BLOC1S6: variants seen among roughly 807,000 people sequenced by gnomAD.
The protein encoded by BLOC1S6 is biogenesis of lysosome-related organelles complex 1 subunit 6.
BLOC1S6 carries 24 observed loss-of-function variants against 24.7 expected under a neutral mutation model. The observed-to-expected ratio is 0.97, with a 90% CI of 0.70 to 1.37. The LOEUF is 1.37. BLOC1S6 is among the 40% of genes most tolerant of loss of function. The pLI is 0.00. For missense variants in BLOC1S6, 175 were observed against 196.2 expected, an observed-to-expected ratio of 0.89 and a Z score of 0.64; for synonymous variants, 76 against 72.6, an observed-to-expected ratio of 1.05 and a Z score of -0.23.
Position 45,606,637 on chromosome 15 carries a change from A to G in BLOC1S6, c.*123A>G. On this transcript the variant is annotated 3_prime_UTR_variant, in exon 5 of 5. Transcript: ENST00000220531. The stretch of plus-strand genomic sequence containing the variant: ...CATATGTTGAAATCCTTATTCCGGT[A>G]TTACTGTGTCTCCATGCCTTTTTTC... 2 of 1,375,540 alleles carry G rather than the reference A, an allele frequency of 1.5e-6. No homozygotes were observed. The highest frequency in any genetic ancestry group is 1.7e-5 in the Admixed American group (1 of 58,784). The allele number at this position is 1,375,540 out of a possible 1,614,324, so 85.2% of individuals were successfully genotyped here. A position where few individuals can be genotyped will look rare whatever the true frequency, so the allele number is the denominator to read the frequency against.
intron 2 of BLOC1S6, among the ~76,000 whole-genome samples, chr15:45,602,589 A>C (rs1018136488): frequency 1.3e-5 from 2 of 152,198 alleles, no homozygotes; most frequent in Non-Finnish European, 2.9e-5. Context: ...CATATAGCTA[A>C]CTGGCTGTTG....
chr15:45,600,181 TG>T (rs1170883303), intron 2 of BLOC1S6, among the ~76,000 whole-genome samples: 1 of 69,520 alleles, frequency 1.4e-5, no homozygotes, highest in African/African-American at 5.9e-5. Flanking sequence ...GGGACTGTGG[TG>T]GGGTGGGGGG....
chr15:45,602,288 T>C (rs1460490633), intron 2 of BLOC1S6: 9 of 207,370 alleles, frequency 4.3e-5, no homozygotes, highest in African/African-American at 1.2e-4. Context: ...TTGTTATTTC[T>C]TTTTTTTTTT....
At chr15:45,603,354 T>G (rs537224146) in intron 3 of BLOC1S6, among the ~76,000 whole-genome samples, 167 bp downstream of exon 3, 1 of 152,328 alleles carries the variant, frequency 6.6e-6, no homozygotes, top group African/African-American at 2.4e-5. Flanking sequence ...GTTGAATTTA[T>G]AGTAGGAAAT....
At chr15:45,594,071 G>T (rs1893982661) in intron 2 of BLOC1S6, among the ~76,000 whole-genome samples, 1 of 152,044 alleles carries the variant, frequency 6.6e-6, no homozygotes, top group African/African-American at 2.4e-5. Flanking sequence ...TATTAATAAA[G>T]ATATAGGGGA....
chr15:45,595,150 T>C (rs1426125845), intron 2 of BLOC1S6, among the ~76,000 whole-genome samples: 3 of 152,188 alleles, frequency 2.0e-5, no homozygotes, highest in Non-Finnish European at 2.9e-5. Context: ...TGCCCTAGCC[T>C]GGGTGACAGA....
chr15:45,603,205 G>C lies in BLOC1S6; in HGVS notation c.312+18G>C. ...ATGCTTTGGTAAGTATGATTTAGTTGATGTAATTTAATGACATCTTGTCTT... is the reference window on the plus strand; with the variant it reads ...ATGCTTTGGTAAGTATGATTTAGTTCATGTAATTTAATGACATCTTGTCTT... On this transcript the variant is annotated intron_variant, in intron 3 of 4. Coordinates refer to ENST00000220531, the MANE Select transcript of BLOC1S6 (RefSeq NM_012388.4). The C allele has an allele frequency of 6.7e-7, 1 of 1,498,044 alleles. No homozygotes were observed. Among genetic ancestry groups the C allele is most frequent in the Non-Finnish European group, 9.3e-7 (1 of 1,077,778 alleles). 92.8% of individuals were successfully genotyped at this position (1,498,044 alleles called of 1,614,324 possible).
chr15:45,600,857 T>A (rs564193101), intron 2 of BLOC1S6, among the ~76,000 whole-genome samples: 1 of 152,326 alleles, frequency 6.6e-6, no homozygotes, highest in Non-Finnish European at 1.5e-5. Context: ...TCTGCAGTTG[T>A]TGCCCTTTAT....
At chr15:45,587,355 G>A (rs553273641), upstream of BLOC1S6, 20 of 1,306,698 alleles carry the variant, frequency 1.5e-5, no homozygotes, top group African/African-American at 2.8e-4. Context: ...AATCTCTTCT[G>A]TCCGGCCAGC....
At position 45,587,645 on chromosome 15, in the gene BLOC1S6, G is replaced by A. The variant is rs953513300; in HGVS notation, c.82+120G>A. The stretch of plus-strand genomic sequence containing the variant: ...CGGTTTTTGGCGGCTGCGGCCCCCG[G>A]GCCCTGCCCCGAGTGCAGAAATGGG... On this transcript the variant is annotated intron_variant, in intron 1 of 4. Transcript: ENST00000220531. The A allele has an allele frequency of 9.6e-6, 10 of 1,038,696 alleles. No homozygotes were observed. In the Admixed American group the frequency reaches 2.1e-4, roughly 22 times the overall value. 64.3% of individuals were successfully genotyped at this position (1,038,696 alleles called of 1,614,324 possible).
chr15:45,607,177 G>C lies in BLOC1S6; in HGVS notation c.*663G>C, dbSNP rs1894497017. On this transcript the variant is annotated 3_prime_UTR_variant, in exon 5 of 5. Transcript: ENST00000220531. ...TGGGCATGGTGGCTTATGGAAAAGA[G>C]GTGAGCCTTTGTGAAGAACATAATG... is the stretch of plus-strand genomic sequence containing the variant. The C allele has an allele frequency of 1.3e-5, 2 of 152,426 alleles. No homozygotes were observed. The highest frequency in any genetic ancestry group is 1.9e-4 in the East Asian group (1 of 5,202). 9.4% of individuals were successfully genotyped at this position (152,426 alleles called of 1,614,324 possible).
chr15:45,591,595 G>T (rs1269079026), intron 1 of BLOC1S6, among the ~76,000 whole-genome samples: 1 of 152,116 alleles, frequency 6.6e-6, no homozygotes, highest in African/African-American at 2.4e-5. Context: ...ACCGTGCCCA[G>T]CCATTCTGGG....
In BLOC1S6 at chr15:45,605,495, A is replaced by G. The variant is rs1200426222; in HGVS notation, c.380A>G (p.Glu127Gly). ...NIRKEMLMLH[E>G]KTSKLKKRAL... ...AGAAAAGAGATGCTGATGCTTCATG[A>G]AAAAACATCAAAGTTAAAAGTGAGT... is the stretch of plus-strand genomic sequence containing the variant. The change falls in exon 4 of 5, where the codon GAA (glutamate) becomes GGA (glycine). Residue 127 changes from glutamate to glycine, a missense_variant. Glu to Gly is a moderately conservative substitution (Grantham distance 98). Transcript: ENST00000220531. 3 of 1,610,002 alleles carry G rather than the reference A, an allele frequency of 1.9e-6. No homozygotes were observed. Among genetic ancestry groups the G allele is most frequent in the Non-Finnish European group, 2.5e-6 (3 of 1,176,586 alleles).
intron 2 of BLOC1S6, among the ~76,000 whole-genome samples, chr15:45,593,151 T>C (rs1893944448): frequency 6.6e-6 from 1 of 152,056 alleles, no homozygotes; most frequent in African/African-American, 2.4e-5. Context: ...CCCAGCACTT[T>C]GGGAGGCTGA....
intron 1 of BLOC1S6, among the ~76,000 whole-genome samples, chr15:45,590,915 CT>C (rs561554859): frequency 3.3e-5 from 5 of 152,114 alleles, no homozygotes; most frequent in African/African-American, 9.6e-5. Flanking sequence ...GACCATCTTA[CT>C]TTTTTTTCTC....
intron 1 of BLOC1S6, 170 bp downstream of exon 1, chr15:45,587,695 G>C (rs747854248): frequency 2.7e-6 from 2 of 735,662 alleles, no homozygotes; most frequent in South Asian, 1.5e-5. Flanking sequence ...CCTCTGCCCA[G>C]CGCAATGGGC....
At chr15:45,602,509 A>T in intron 2 of BLOC1S6, 1 of 514,798 alleles carries the variant, frequency 1.9e-6, no homozygotes, top group South Asian at 2.9e-5. Flanking sequence ...ATTAGAAATT[A>T]TCTGGTCTGA....
At chr15:45,593,586 G>A (rs1170580802) in intron 2 of BLOC1S6, among the ~76,000 whole-genome samples, 1 of 152,150 alleles carries the variant, frequency 6.6e-6, no homozygotes. Flanking sequence ...TGGAAGGTAA[G>A]AAACTGCAAG....
In BLOC1S6 at chr15:45,603,144, C is replaced by T. The variant is rs1894328541; in HGVS notation, c.269C>T (p.Ser90Leu). Residue 90 changes from serine (S) to leucine (L), a missense_variant, in exon 3 of 5, where the codon TCA (serine) becomes TTA (leucine). Physicochemically the swap from Ser to Leu is moderately radical, Grantham distance 145. Coordinates refer to ENST00000220531, the MANE Select transcript of BLOC1S6 (RefSeq NM_012388.4). ...VLLDTLEQEI[S>L]KFKECHSMLD... The stretch of plus-strand genomic sequence containing the variant: ...TTAGACACACTGGAACAAGAGATTT[C>T]AAAATTTAAAGAATGTCATTCTATG... 1.9e-6 allele frequency: 3 copies of T among 1,611,252 alleles called. No individual in the cohort carries two copies. The highest frequency in any genetic ancestry group is 1.7e-6 in the Non-Finnish European group (2 of 1,178,076).
Sources: gnomAD v4.1 joint callset for allele counts (sites outside exome capture counted in the v4.1 genomes callset) on GRCh38, gnomAD v4.1.1 for gene constraint, MANE v1.5 for transcripts, NCBI Gene and HGNC (gene_info 2026-07-23, HGNC 2026-07-21) for gene names.